The following GRIK1 variants were observed in gnomAD, a reference collection of about 807,000 sequenced individuals.
GRIK1 encodes the protein glutamate ionotropic receptor kainate type subunit 1.
In GRIK1, 69 loss-of-function variants were observed where a neutral mutation model predicts 105.7. The observed-to-expected ratio is 0.65, with a 90% CI of 0.54 to 0.80. The LOEUF is 0.80. GRIK1 is among the 30% of genes least tolerant of loss of function. The probability of loss-of-function intolerance (pLI) is 0.00; values close to 1 mark genes in which losing one functional copy is unlikely to be tolerated. For missense variants in GRIK1, 1,109 were observed against 1,167.3 expected (o/e 0.95, Z 0.73); for synonymous variants, 438 against 431.3 (o/e 1.02, Z -0.19).
intron 3 of GRIK1, among the ~76,000 whole-genome samples, chr21:29,674,800 C>T (rs2063234374): frequency 6.6e-6 from 1 of 152,190 alleles, no homozygotes; most frequent in Non-Finnish European, 1.5e-5. Context: ...ATTACTCAGT[C>T]TCAGGTAGTT....
At chr21:29,926,659 A>T (rs576053919) in intron 1 of GRIK1, among the ~76,000 whole-genome samples, 1 of 151,702 alleles carries the variant, frequency 6.6e-6, no homozygotes, top group African/African-American at 2.4e-5. Flanking sequence ...ATAAGAAATT[A>T]TATATATATA....
intron 1 of GRIK1, among the ~76,000 whole-genome samples, chr21:29,905,257 G>C (rs2070569016): frequency 6.6e-6 from 1 of 152,054 alleles, no homozygotes; most frequent in Non-Finnish European, 1.5e-5. Flanking sequence ...TACCCACACA[G>C]AGCACTCCCC....
chr21:29,851,679 T>C (rs1407109927), intron 1 of GRIK1, among the ~76,000 whole-genome samples: 1 of 152,220 alleles, frequency 6.6e-6, no homozygotes, highest in Non-Finnish European at 1.5e-5. Flanking sequence ...AGGAGATTCA[T>C]GTACAGCACC....
At chr21:29,934,785 A>G (rs2071692283) in intron 1 of GRIK1, among the ~76,000 whole-genome samples, 1 of 152,206 alleles carries the variant, frequency 6.6e-6, no homozygotes, top group South Asian at 2.1e-4. Context: ...CAAACCTTAC[A>G]AGAAAAGTAG....
intron 6 of GRIK1, among the ~76,000 whole-genome samples, chr21:29,647,561 A>G (rs934527313): frequency 3.3e-5 from 5 of 152,228 alleles, no homozygotes; most frequent in African/African-American, 1.2e-4. Context: ...GTGGATATGA[A>G]GAACTGGAAA....
At chr21:29,835,728 T>C (rs1040350722) in intron 1 of GRIK1, among the ~76,000 whole-genome samples, 6 of 152,196 alleles carry the variant, frequency 3.9e-5, no homozygotes, top group South Asian at 2.1e-4. Flanking sequence ...ACTTTTGCCC[T>C]GTTGTTTGCT....
intron 2 of GRIK1, among the ~76,000 whole-genome samples, chr21:29,691,521 C>T (rs1483967717): frequency 6.6e-6 from 1 of 152,184 alleles, no homozygotes; most frequent in East Asian, 1.9e-4. Context: ...TAACCAAATT[C>T]CCTTCCGGAA....
At chr21:29,884,914 A>G (rs141405402) in intron 1 of GRIK1, among the ~76,000 whole-genome samples, 20 of 152,102 alleles carry the variant, frequency 1.3e-4, no homozygotes, top group African/African-American at 4.8e-4. Flanking sequence ...CCCAAATCAC[A>G]CAGATACTGG....
chr21:29,883,297 T>C (rs2069493683), intron 1 of GRIK1, among the ~76,000 whole-genome samples: 1 of 152,114 alleles, frequency 6.6e-6, no homozygotes, highest in African/African-American at 2.4e-5. Flanking sequence ...GTATTAGAAC[T>C]GATAATAAGT....
chr21:29,614,923 AC>A (rs2061813360), intron 7 of GRIK1, among the ~76,000 whole-genome samples: 1 of 151,470 alleles, frequency 6.6e-6, no homozygotes, highest in East Asian at 1.9e-4. Context: ...ATTTTTAGAA[AC>A]CTTACTTGAT....
At chr21:29,691,455 T>C (rs1451295852) in intron 2 of GRIK1, among the ~76,000 whole-genome samples, 1 of 152,240 alleles carries the variant, frequency 6.6e-6, no homozygotes. Context: ...TTCCAGAAGT[T>C]AAGTTACCAG....
Position 29,651,155 on chromosome 21 carries a change from G to C in GRIK1, c.917C>G (p.Pro306Arg), listed in dbSNP as rs1436979595. The C allele has an allele frequency of 6.2e-6, 10 of 1,613,376 alleles. No individual in the cohort carries two copies. Among genetic ancestry groups the C allele is most frequent in the Non-Finnish European group, 8.5e-6 (10 of 1,179,676 alleles). ...ATCCAAAAGGCCAGTCTCGGGCCTG[G>C]GTGGGGCCTGCAGTCTCTCCATGGA... ...KWSMERLQAP[P>R]RPETGLLDGM... The change falls in exon 6 of 18, where the codon CCC (proline) becomes CGC (arginine). Residue 306 changes from proline to arginine, a missense_variant. By Grantham distance (103) the Pro-to-Arg change is moderately radical. Transcript: ENST00000327783.
At chr21:29,699,256 AC>A (rs1164970188) in intron 1 of GRIK1, among the ~76,000 whole-genome samples, 1 of 152,176 alleles carries the variant, frequency 6.6e-6, no homozygotes, top group Non-Finnish European at 1.5e-5. Flanking sequence ...TGCAGGCCTC[AC>A]CTCTGGATCC....
chr21:29,564,372 C>T (rs1043837333), intron 14 of GRIK1, among the ~76,000 whole-genome samples: 2 of 152,102 alleles, frequency 1.3e-5, no homozygotes, highest in Admixed American at 6.5e-5. Flanking sequence ...TGGTCTCGAT[C>T]TCCTGACCTC....
chr21:29,899,771 T>C (rs548921273), intron 1 of GRIK1, among the ~76,000 whole-genome samples: 1 of 152,042 alleles, frequency 6.6e-6, no homozygotes, highest in East Asian at 1.9e-4. Flanking sequence ...CAGACTGAAG[T>C]AGAAGAAAAT....
chr21:29,702,638 G>C (rs1272821700), intron 1 of GRIK1, among the ~76,000 whole-genome samples: 1 of 152,172 alleles, frequency 6.6e-6, no homozygotes, highest in Non-Finnish European at 1.5e-5. Context: ...TTGAACTTGA[G>C]AGGCGGAGGT....
At chr21:29,616,596 C>T (rs1308909689) in intron 7 of GRIK1, among the ~76,000 whole-genome samples, 4 of 152,202 alleles carry the variant, frequency 2.6e-5, no homozygotes, top group Admixed American at 1.3e-4. Context: ...TTTATTTCCT[C>T]AGGCTGAGGA....
At chr21:29,580,261 A>C (rs1364052870) in intron 13 of GRIK1, among the ~76,000 whole-genome samples, 1 of 151,302 alleles carries the variant, frequency 6.6e-6, no homozygotes, top group Non-Finnish European at 1.5e-5. Context: ...TCACAAGATA[A>C]ATATCCTAAA....
chr21:29,811,867 G>C (rs1031359306), intron 1 of GRIK1, among the ~76,000 whole-genome samples: 1 of 152,070 alleles, frequency 6.6e-6, no homozygotes, highest in Non-Finnish European at 1.5e-5. Flanking sequence ...CCAGCCTCTC[G>C]GCTTTTCTAT....
Sources: gnomAD v4.1 joint callset for allele counts (sites outside exome capture counted in the v4.1 genomes callset) on GRCh38, gnomAD v4.1.1 for gene constraint, MANE v1.5 for transcripts, NCBI Gene and HGNC (gene_info 2026-07-23, HGNC 2026-07-21) for gene names.